Variants in STON2 observed in about 807,000 individuals in gnomAD.
The protein encoded by STON2 is stonin-2.
STON2 carries 29 observed loss-of-function variants against 65.7 expected under a neutral mutation model. The ratio of observed to expected loss-of-function variants is 0.44; its 90% CI spans 0.33 to 0.60. The LOEUF is 0.60. Ranked by LOEUF, STON2 falls within the 20% of genes least tolerant of loss-of-function variation. The pLI is 0.03. For synonymous variants in STON2, 404 were observed against 414.2 expected, an observed-to-expected ratio of 0.98 and a Z score of 0.30; for missense variants, 1,054 against 1,118.1, an observed-to-expected ratio of 0.94 and a Z score of 0.82.
At chr14:81,340,103 C>A (rs540770868) in intron 4 of STON2, among the ~76,000 whole-genome samples, 4 of 152,148 alleles carry the variant, frequency 2.6e-5, no homozygotes, top group Admixed American at 1.3e-4. Flanking sequence ...GCAGTAAGCC[C>A]AGATCGCGCC....
chr14:81,269,377 T>C, intron 7 of STON2: 1 of 985,424 alleles, frequency 1.0e-6, no homozygotes, highest in Non-Finnish European at 1.2e-6. Context: ...TTCTGCAATA[T>C]CTTCTGCAAA....
chr14:81,313,825 AC>A, intron 5 of STON2, among the ~76,000 whole-genome samples: 1 of 140,706 alleles, frequency 7.1e-6, no homozygotes, highest in Non-Finnish European at 1.5e-5. Context: ...ACACACACAC[AC>A]ACACACACAC....
chr14:81,290,623 C>T (rs1027193430), intron 5 of STON2, among the ~76,000 whole-genome samples: 2 of 152,146 alleles, frequency 1.3e-5, no homozygotes, highest in African/African-American at 4.8e-5. Flanking sequence ...AGGTTAGGGG[C>T]AAGTACTGCA....
At chr14:81,315,616 G>A (rs986280876) in intron 5 of STON2, among the ~76,000 whole-genome samples, 18 of 152,334 alleles carry the variant, frequency 1.2e-4, no homozygotes, top group African/African-American at 3.4e-4. Flanking sequence ...TCCTGCTCCC[G>A]CAGAGAACAT....
At chr14:81,274,032 C>T (rs1330972865) in intron 6 of STON2, among the ~76,000 whole-genome samples, 3 of 152,080 alleles carry the variant, frequency 2.0e-5, no homozygotes, top group Non-Finnish European at 4.4e-5. Context: ...TCTGGGTTCC[C>T]GGATGGAACA....
chr14:81,351,667 C>A (rs1898030985), intron 4 of STON2, among the ~76,000 whole-genome samples: 1 of 152,196 alleles, frequency 6.6e-6, no homozygotes, highest in Admixed American at 6.5e-5. Flanking sequence ...GATAGAGATT[C>A]TGTCCATTCA....
chr14:81,365,476 A>G (rs1383840318), intron 4 of STON2, among the ~76,000 whole-genome samples: 1 of 152,158 alleles, frequency 6.6e-6, no homozygotes, highest in African/African-American at 2.4e-5. Context: ...GAGAGCCTGG[A>G]CAGGTGCAGT....
At position 81,267,823 on chromosome 14, in the gene STON2, A is replaced by C; in HGVS notation, c.*591T>G. On this transcript the variant is annotated 3_prime_UTR_variant, in exon 8 of 8. Transcript: ENST00000614646. ...TTAGAGAGATGGAAAAAGTGTTCCA[A>C]TCTAAACGATCTAGAGCCAGGAGGG... 1.0e-6 allele frequency: 1 copy of C among 985,486 alleles called. No homozygotes were observed. Among genetic ancestry groups the C allele is most frequent in the Non-Finnish European group, 1.2e-6 (1 of 829,964 alleles). The allele number at this position is 985,486 out of a possible 1,614,324, so 61.0% of individuals were successfully genotyped here. A position where few individuals can be genotyped will look rare whatever the true frequency, so the allele number is the denominator to read the frequency against.
chr14:81,301,346 C>T (rs1895961338), intron 5 of STON2, among the ~76,000 whole-genome samples: 2 of 151,814 alleles, frequency 1.3e-5, no homozygotes, highest in African/African-American at 4.9e-5. Context: ...GGTCCTATGA[C>T]AAGCTAAATG....
intron 4 of STON2, among the ~76,000 whole-genome samples, chr14:81,333,927 TGAAACC>T (rs760913119): frequency 6.6e-6 from 1 of 152,208 alleles, no homozygotes; most frequent in Non-Finnish European, 1.5e-5. Context: ...ACACCTGTTC[TGAAACC>T]GCCTCCATTT....
Position 81,371,098 on chromosome 14 carries a change from G to C in STON2, c.461C>G (p.Thr154Ser). 1 of 1,614,146 alleles carries C rather than the reference G, an allele frequency of 6.2e-7. No individual in the cohort carries two copies. The highest frequency in any genetic ancestry group is 8.5e-7 in the Non-Finnish European group (1 of 1,180,014). ...CPLTSESSWT[T>S]HSEDTSSPSF... Reference sequence around the variant, plus strand: ...AGGACTGCTGGTGTCTTCAGAATGGGTGGTCCAGCTGCTCTCAGAAGTCAG... The same window carrying C: ...AGGACTGCTGGTGTCTTCAGAATGGCTGGTCCAGCTGCTCTCAGAAGTCAG... The change falls in exon 4 of 8, where the codon ACC becomes AGC. Residue 154 changes from threonine to serine, a missense_variant. Coordinates refer to ENST00000614646, the MANE Select transcript of STON2 (RefSeq NM_001394390.1).
In STON2 at chr14:81,268,501, C is replaced by T; in HGVS notation, c.2785-4G>A. 7.8e-7 allele frequency: 1 copy of T among 1,289,272 alleles called. No individual in the cohort carries two copies. The highest frequency in any genetic ancestry group is 1.0e-6 in the Non-Finnish European group (1 of 988,638). 79.9% of individuals were successfully genotyped at this position (1,289,272 alleles called of 1,614,324 possible). A position where few individuals can be genotyped will look rare whatever the true frequency, so the allele number is the denominator to read the frequency against. On this transcript the variant is annotated splice_polypyrimidine_tract_variant and splice_region_variant and intron_variant, in intron 7 of 7. Coordinates refer to ENST00000614646, the MANE Select transcript of STON2 (RefSeq NM_001394390.1). ...TCTTTTTTTGCTCAATTTCCACCTG[C>T]CAAGAATAGAAGTTGGAGATAAAGA...
At chr14:81,429,827 C>T (rs1338918226) in intron 1 of STON2, among the ~76,000 whole-genome samples, 3 of 151,738 alleles carry the variant, frequency 2.0e-5, no homozygotes, top group Non-Finnish European at 4.4e-5. Context: ...CCCCGCTACT[C>T]GGCAGGCTGA....
intron 5 of STON2, 80 bp from the exon 6 acceptor site, chr14:81,278,819 T>G: frequency 9.0e-7 from 1 of 1,110,432 alleles, no homozygotes; most frequent in Non-Finnish European, 1.2e-6. Flanking sequence ...GAATGAGGGA[T>G]TACTAGAATT....
At chr14:81,370,944 C>G (rs1439396806) in intron 4 of STON2, 44 bp downstream of exon 4, 1 of 1,586,830 alleles carries the variant, frequency 6.3e-7, no homozygotes, top group Non-Finnish European at 8.6e-7. Flanking sequence ...CTGGGTACAC[C>G]AAAAGTGATT....
intron 4 of STON2, among the ~76,000 whole-genome samples, chr14:81,331,089 G>C (rs1897195424): frequency 6.6e-6 from 1 of 152,220 alleles, no homozygotes; most frequent in African/African-American, 2.4e-5. Flanking sequence ...AAACCGGTGT[G>C]TATGTGTGCA....
chr14:81,271,024 G>A (rs1029239347), intron 6 of STON2, 152 bp from the exon 7 acceptor site: 15 of 1,025,548 alleles, frequency 1.5e-5, no homozygotes, highest in Non-Finnish European at 1.2e-5. Context: ...GATCCGCCCG[G>A]CTCAGCAGAA....
intron 5 of STON2, among the ~76,000 whole-genome samples, chr14:81,320,195 A>G (rs1375216196): frequency 6.6e-6 from 1 of 151,792 alleles, no homozygotes; most frequent in Non-Finnish European, 1.5e-5. Flanking sequence ...AAGAGACGCC[A>G]GATTCTAGGA....
intron 2 of STON2, among the ~76,000 whole-genome samples, chr14:81,412,076 C>A (rs1213934470): frequency 7.2e-6 from 1 of 139,836 alleles, no homozygotes; most frequent in Non-Finnish European, 1.5e-5. Flanking sequence ...ATAGAGTAGG[C>A]AAGAGGCATG....
Sources: allele counts gnomAD v4.1 joint callset (sites outside exome capture counted in the v4.1 genomes callset), GRCh38; gene constraint gnomAD v4.1.1; transcripts MANE v1.5; gene names NCBI Gene and HGNC (gene_info 2026-07-23, HGNC 2026-07-21).